RAI14: variants seen among roughly 807,000 people sequenced by gnomAD.
RAI14 encodes retinoic acid induced 14.
Under a neutral mutation model 115.4 loss-of-function variants are expected in RAI14, and 45 were observed. The observed-to-expected ratio is 0.39, with a 90% CI of 0.31 to 0.50. The LOEUF (loss-of-function observed/expected upper bound fraction) is 0.50, where lower values mean the gene tolerates loss of function less well. RAI14 is among the 20% of genes least tolerant of loss of function. The pLI, the probability that RAI14 is intolerant of heterozygous loss-of-function variation, is 0.85. For synonymous variants in RAI14, 371 were observed against 415.4 expected (o/e 0.89, Z 1.30); for missense variants, 939 against 1,131.2 (o/e 0.83, Z 2.44).
rs3884194 is a variant in RAI14 at position 34,818,871 on chromosome 5, GTT to G, written c.994+30_994+31del. The G allele has an allele frequency of 4.3e-5, 62 of 1,436,780 alleles. No individual in the cohort carries two copies. Among genetic ancestry groups the G allele is most frequent in the Admixed American group, 2.6e-4 (13 of 49,588 alleles). The allele number at this position is 1,436,780 out of a possible 1,614,324, so 89.0% of individuals were successfully genotyped here. On this transcript the variant is annotated intron_variant, in intron 13 of 17. Transcript: ENST00000265109. The stretch of plus-strand genomic sequence containing the variant: ...CTACAGGTAAGACAAGGAAGCATCT[GTT>G]TTTTTTTTTCCTTCAACCAAACTAT...
intron 2 of RAI14, among the ~76,000 whole-genome samples, chr5:34,734,880 C>T (rs1177220634): frequency 1.3e-5 from 2 of 151,986 alleles, no homozygotes; most frequent in East Asian, 1.9e-4. Context: ...AGGCTGGTCT[C>T]GAACTCCTGA....
intron 1 of RAI14, among the ~76,000 whole-genome samples, chr5:34,680,878 G>C (rs988062224): frequency 1.3e-5 from 2 of 152,142 alleles, no homozygotes; most frequent in Admixed American, 6.5e-5. Context: ...TTAGTTTGGA[G>C]TCCTCTGGGC....
chr5:34,726,206 C>G (rs191508817), intron 2 of RAI14, among the ~76,000 whole-genome samples: 206 of 152,082 alleles, frequency 1.4e-3, no homozygotes, highest in Admixed American at 2.0e-3. Flanking sequence ...ATAGCAAGAC[C>G]CTTGTGTATT....
Position 34,763,656 on chromosome 5 carries a change from A to G in RAI14, c.167+6058A>G, listed in dbSNP as rs1277673082. Among the ~76,000 whole-genome samples, 8 of 152,222 alleles carry G rather than the reference A, an allele frequency of 5.3e-5. 1 individual carries two copies. The highest frequency in any genetic ancestry group is 1.2e-4 in the African/African-American group (5 of 41,454). On this transcript the variant is annotated intron_variant, in intron 3 of 17. Coordinates refer to ENST00000265109, the MANE Select transcript of RAI14 (RefSeq NM_015577.3). ...AATACTGGAGAATAATCAGATGCTA[A>G]CCTGTAAAATACTGCATGTAAGGGG...
intron 3 of RAI14, among the ~76,000 whole-genome samples, chr5:34,785,798 G>A (rs1752223346): frequency 2.0e-5 from 3 of 152,116 alleles, no homozygotes; most frequent in Non-Finnish European, 2.9e-5. Flanking sequence ...CCCACATACA[G>A]CACAATCAGG....
intron 12 of RAI14, 57 bp from the exon 13 acceptor site, chr5:34,818,740 C>A (rs1045141496): frequency 6.9e-7 from 1 of 1,454,846 alleles, no homozygotes; most frequent in Non-Finnish European, 9.6e-7. Flanking sequence ...CTGCTTGATT[C>A]TTTTGTGTAA....
chr5:34,787,395 C>T (rs1291027561), intron 3 of RAI14, among the ~76,000 whole-genome samples: 1 of 152,192 alleles, frequency 6.6e-6, no homozygotes, highest in Non-Finnish European at 1.5e-5. Context: ...CATATCCATA[C>T]AATTTATTAT....
rs150376033 is a variant in RAI14, at chr5:34,726,838, G to A, written c.37-30630G>A. ...GATTGTGAGGTCTCCGCAGTCATGC[G>A]TAACTGTGAATTCATTAAACCTCTT... On this transcript the variant is annotated intron_variant, in intron 2 of 17. Coordinates refer to ENST00000265109, the MANE Select transcript of RAI14 (RefSeq NM_015577.3). 5.4e-4 allele frequency among the ~76,000 whole-genome samples: 82 copies of A among 152,276 alleles called. 1 individual carries two copies. Among genetic ancestry groups the A allele is most frequent in the African/African-American group, 1.7e-3 (69 of 41,554 alleles).
chr5:34,777,453 T>C (rs1323577526), intron 3 of RAI14, among the ~76,000 whole-genome samples: 2 of 152,088 alleles, frequency 1.3e-5, no homozygotes, highest in East Asian at 3.9e-4. Context: ...CTCACTAACA[T>C]GTGGGAACCA....
rs116977381 is a variant in RAI14, at chr5:34,700,904, G to T, written c.36+13949G>T. On this transcript the variant is annotated intron_variant, in intron 2 of 17. Transcript: ENST00000265109. ...TAATTAACTAGCCTGTGTTCCTTGG[G>T]CAGAAAATTACCTAAATTTAGACCC... 3.9e-5 allele frequency among the ~76,000 whole-genome samples: 6 copies of T among 152,264 alleles called. No individual in the cohort carries two copies. The East Asian group carries it at 1.2e-3, about 29-fold the overall frequency.
chr5:34,694,710 G>T (rs1350170159), intron 2 of RAI14, among the ~76,000 whole-genome samples: 1 of 152,088 alleles, frequency 6.6e-6, no homozygotes, highest in Non-Finnish European at 1.5e-5. Flanking sequence ...AAAGTGTAGA[G>T]GTTTATAACG....
At chr5:34,798,314 C>G (rs1416711845) in intron 4 of RAI14, among the ~76,000 whole-genome samples, 1 of 151,004 alleles carries the variant, frequency 6.6e-6, no homozygotes, top group African/African-American at 2.4e-5. Context: ...GCTGGAATTA[C>G]AGGCGTGAGC....
chr5:34,778,639 C>T (rs149706802), intron 3 of RAI14, among the ~76,000 whole-genome samples: 538 of 151,906 alleles, frequency 3.5e-3, no homozygotes, highest in Non-Finnish European at 3.9e-3. Context: ...AAGATGTAGG[C>T]GGGTTTGGTG....
rs541226857 is a variant in RAI14 at position 34,744,753 on chromosome 5, C to T, written c.37-12715C>T. Among the ~76,000 whole-genome samples the T allele has an allele frequency of 3.9e-5, 6 of 152,242 alleles. No individual in the cohort carries two copies. In the East Asian group the frequency reaches 9.7e-4, roughly 24 times the overall value. ...GGATGGTCTATCAGTTTCCTGTGAC[C>T]GCTGTAACAAATGACCACAAACTGG... On this transcript the variant is annotated intron_variant, in intron 2 of 17. Coordinates refer to ENST00000265109, the MANE Select transcript of RAI14 (RefSeq NM_015577.3).
intron 2 of RAI14, among the ~76,000 whole-genome samples, chr5:34,741,587 G>C (rs1745513911): frequency 6.6e-6 from 1 of 152,224 alleles, no homozygotes; most frequent in African/African-American, 2.4e-5. Context: ...CCAGAATCAA[G>C]AGCTTGGCTG....
rs1756863246 is a variant in RAI14, at chr5:34,821,847, A to G, written c.1110A>G (p.Leu370=). 1 of 1,516,978 alleles carries G rather than the reference A, an allele frequency of 6.6e-7. No individual in the cohort carries two copies. The allele number at this position is 1,516,978 out of a possible 1,614,324, so 94.0% of individuals were successfully genotyped here. A position where few individuals can be genotyped will look rare whatever the true frequency, so the allele number is the denominator to read the frequency against. The part of the protein sequence containing the change: ...TLHNKELQDK[L]QAKSPKEAEA... ...ACAATAAGGAGTTACAAGATAAATTACAGGTATATAAATAGATTGCTATCA... is the reference window on the plus strand; with the variant it reads ...ACAATAAGGAGTTACAAGATAAATTGCAGGTATATAAATAGATTGCTATCA... Residue 370 remains leucine, a synonymous_variant, in exon 14 of 18, where the codon TTA becomes TTG. Transcript: ENST00000265109.
intron 3 of RAI14, among the ~76,000 whole-genome samples, chr5:34,765,064 T>C (rs146780467): frequency 1.0e-3 from 152 of 152,332 alleles, no homozygotes; most frequent in Non-Finnish European, 1.4e-3. Context: ...TTGCCGTTGC[T>C]ATGTAAGAAG....
At chr5:34,761,174 C>G (rs1194594448) in intron 3 of RAI14, among the ~76,000 whole-genome samples, 2 of 152,142 alleles carry the variant, frequency 1.3e-5, no homozygotes, top group Non-Finnish European at 2.9e-5. Context: ...CACAGCTCTT[C>G]CTGAATTTAC....
intron 1 of RAI14, among the ~76,000 whole-genome samples, chr5:34,671,529 C>T (rs969618211): frequency 4.6e-5 from 7 of 151,984 alleles, no homozygotes; most frequent in Non-Finnish European, 1.0e-4. Context: ...TAATAAGATG[C>T]TATGTGCTTG....
Sources: allele counts gnomAD v4.1 joint callset (sites outside exome capture counted in the v4.1 genomes callset), GRCh38; gene constraint gnomAD v4.1.1; transcripts MANE v1.5; gene names NCBI Gene and HGNC (gene_info 2026-07-23, HGNC 2026-07-21).